ZNF813: variants seen among roughly 807,000 people sequenced by gnomAD.
ZNF813 encodes the protein zinc finger protein 813.
A neutral mutation model predicts 7.2 loss-of-function variants in ZNF813; 3 were observed. The ratio of observed to expected loss-of-function variants is 0.42; its 90% CI spans 0.19 to 1.08. The LOEUF (loss-of-function observed/expected upper bound fraction) is 1.08, where lower values mean the gene tolerates loss of function less well. Ranked by LOEUF, ZNF813 falls within the 50% of genes least tolerant of loss-of-function variation. The pLI, the probability that ZNF813 is intolerant of heterozygous loss-of-function variation, is 0.30. For missense variants in ZNF813, 714 were observed against 753.3 expected (o/e 0.95, Z 0.61); for synonymous variants, 227 against 256.3 (o/e 0.89, Z 1.09).
intron 1 of ZNF813, among the ~76,000 whole-genome samples, chr19:53,483,090 A>G (rs1236798068): frequency 2.0e-5 from 3 of 151,770 alleles, no homozygotes; most frequent in Admixed American, 6.6e-5. Context: ...TTATATTTTT[A>G]GTAGACATGG....
At position 53,492,449 on chromosome 19, in the gene ZNF813, A is replaced by G; in HGVS notation, c.*363A>G. 2.4e-6 allele frequency: 1 copy of G among 421,188 alleles called. No homozygotes were observed. The highest frequency in any genetic ancestry group is 2.1e-5 in the South Asian group (1 of 47,060). 26.1% of individuals were successfully genotyped at this position (421,188 alleles called of 1,614,324 possible). On this transcript the variant is annotated 3_prime_UTR_variant, in exon 4 of 4. Transcript: ENST00000396403. ...AGACATAAAATAAATCATACTGCAG[A>G]GAAACCATAAAATTGTAAGAGTTCG...
In ZNF813 at chr19:53,495,917, C is replaced by G. The variant is rs1457560132; in HGVS notation, c.*3831C>G. 1 of 310,340 alleles carries G rather than the reference C, an allele frequency of 3.2e-6. No individual in the cohort carries two copies. The highest frequency in any genetic ancestry group is 6.4e-6 in the Non-Finnish European group (1 of 155,952). 19.2% of individuals were successfully genotyped at this position (310,340 alleles called of 1,614,324 possible). ...CAGGACTTTCAGATTTAAGCAATACCTGGCCAAGAAACAAAAGCAAAATCA... is the reference window on the plus strand; with the variant it reads ...CAGGACTTTCAGATTTAAGCAATACGTGGCCAAGAAACAAAAGCAAAATCA... On this transcript the variant is annotated 3_prime_UTR_variant, in exon 4 of 4. Coordinates refer to ENST00000396403, the MANE Select transcript of ZNF813 (RefSeq NM_001004301.4).
At chr19:53,469,640 G>A (rs1021478149) in intron 1 of ZNF813, among the ~76,000 whole-genome samples, 1 of 151,946 alleles carries the variant, frequency 6.6e-6, no homozygotes, top group Non-Finnish European at 1.5e-5. Flanking sequence ...GGACAGCAAG[G>A]TAGGGAGAGG....
intron 1 of ZNF813, among the ~76,000 whole-genome samples, chr19:53,482,706 C>CTTTTTTTTTTTTTT (rs1568830690): frequency 3.3e-5 from 3 of 91,500 alleles, no homozygotes; most frequent in Admixed American, 1.4e-4. Flanking sequence ...ATCAGGAATG[C>CTTTTTTTTTTTTTT]TTTTTGTTTT....
intron 1 of ZNF813, among the ~76,000 whole-genome samples, chr19:53,473,845 G>T (rs538071954): frequency 6.6e-6 from 1 of 152,248 alleles, no homozygotes; most frequent in Non-Finnish European, 1.5e-5. Context: ...CTCATAAGGT[G>T]AATACCTAGT....
intron 3 of ZNF813, chr19:53,488,148 C>T: frequency 4.9e-6 from 2 of 409,174 alleles, no homozygotes; most frequent in Admixed American, 5.5e-5. Flanking sequence ...CCTCAATTTC[C>T]CGAGTAGCTG....
In ZNF813 at chr19:53,491,466, A is replaced by G. The variant is rs773516793; in HGVS notation, c.1234A>G (p.Lys412Glu). 2 of 1,614,050 alleles carry G rather than the reference A, an allele frequency of 1.2e-6. No homozygotes were observed. Among genetic ancestry groups the G allele is most frequent in the Non-Finnish European group, 1.7e-6 (2 of 1,180,014 alleles). The change falls in exon 4 of 4, where the codon AAG becomes GAG. Residue 412 changes from lysine to glutamate, a missense_variant. Physicochemically the swap from Lys to Glu is moderately conservative, Grantham distance 56. Around this residue, in one of 3 missense-constraint regions of ZNF813, gnomAD observed 563 missense variants for 554.2 expected, o/e 1.02. Coordinates refer to ENST00000396403, the MANE Select transcript of ZNF813 (RefSeq NM_001004301.4). ...RRLHTGEKPY[K>E]CNECGKVFNK... ...ACTTCATACCGGAGAGAAGCCTTAC[A>G]AGTGTAATGAATGTGGCAAGGTTTT...
At chr19:53,476,732 C>T (rs2086383663) in intron 1 of ZNF813, among the ~76,000 whole-genome samples, 1 of 152,020 alleles carries the variant, frequency 6.6e-6, no homozygotes, top group South Asian at 2.1e-4. Context: ...TGGCTCACTG[C>T]AAGCTCCGCC....
chr19:53,483,439 C>T (rs1054586345), intron 1 of ZNF813, among the ~76,000 whole-genome samples: 8 of 152,276 alleles, frequency 5.3e-5, no homozygotes, highest in South Asian at 4.1e-4. Context: ...CTACGCACCT[C>T]GGCCTCCCAG....
chr19:53,471,329 G>C (rs567193721), intron 1 of ZNF813, among the ~76,000 whole-genome samples: 2 of 152,100 alleles, frequency 1.3e-5, no homozygotes, highest in Admixed American at 1.3e-4. Context: ...GTGTGGTTTA[G>C]AGAAGAGAAA....
intron 1 of ZNF813, among the ~76,000 whole-genome samples, chr19:53,481,344 C>CTTTTTTTTTTT (rs66842546): frequency 0.052 from 5,505 of 105,740 alleles, 441 homozygotes; most frequent in African/African-American, 0.082. Context: ...CCCATGTATT[C>CTTTTTTTTTTT]TTTTTTTTTT....
intron 1 of ZNF813, among the ~76,000 whole-genome samples, chr19:53,476,801 C>A (rs2086384126): frequency 6.6e-6 from 1 of 152,098 alleles, no homozygotes; most frequent in Non-Finnish European, 1.5e-5. Context: ...GTAGCTGGGA[C>A]TACAGGGGCC....
chr19:53,485,052 A>G (rs1691443437), intron 2 of ZNF813, among the ~76,000 whole-genome samples: 1 of 152,162 alleles, frequency 6.6e-6, no homozygotes, highest in Non-Finnish European at 1.5e-5. Context: ...GTTCGGTGTC[A>G]GGTGTCAGAG....
chr19:53,492,626 CTAATG>C lies in ZNF813; in HGVS notation c.*546_*550del, dbSNP rs369872463. ...GCAATCCATGGTGAAGGAAACTTGACTAATGTAATGATTGTCACCAAGTCTTCAGT... is the reference window on the plus strand; with the variant it reads ...GCAATCCATGGTGAAGGAAACTTGACTAATGATTGTCACCAAGTCTTCAGT... On this transcript the variant is annotated 3_prime_UTR_variant, in exon 4 of 4. Transcript: ENST00000396403. The C allele has an allele frequency of 8.3e-3, 6,256 of 750,608 alleles. 90 individuals are homozygous for C. Among genetic ancestry groups the C allele is most frequent in the South Asian group, 0.033 (2,460 of 75,438 alleles). The allele number at this position is 750,608 out of a possible 1,614,324, so 46.5% of individuals were successfully genotyped here.
intron 3 of ZNF813, among the ~76,000 whole-genome samples, chr19:53,487,730 G>A (rs1396628552): frequency 1.3e-5 from 2 of 149,064 alleles, no homozygotes; most frequent in African/African-American, 4.9e-5. Flanking sequence ...CCTGGGAGGT[G>A]AAGGTTGCAG....
At chr19:53,481,188 G>T (rs923895924) in intron 1 of ZNF813, among the ~76,000 whole-genome samples, 2 of 152,040 alleles carry the variant, frequency 1.3e-5, no homozygotes, top group African/African-American at 4.8e-5. Flanking sequence ...TAGAAGCAAG[G>T]AAGCAGCAAG....
chr19:53,475,055 T>C (rs1317477093), intron 1 of ZNF813, among the ~76,000 whole-genome samples: 1 of 152,194 alleles, frequency 6.6e-6, no homozygotes, highest in African/African-American at 2.4e-5. Context: ...TTATAGCTAC[T>C]TTCTCTGGAG....
At chr19:53,470,544 A>G (rs766032377) in intron 1 of ZNF813, among the ~76,000 whole-genome samples, 1 of 128,982 alleles carries the variant, frequency 7.8e-6, no homozygotes, top group Non-Finnish European at 1.7e-5. Flanking sequence ...AATTGCTTCT[A>G]TAGTTGATTG....
Position 53,492,015 on chromosome 19 carries a change from G to T in ZNF813, c.1783G>T (p.Ala595Ser), listed in dbSNP as rs1348817454. The change falls in exon 4 of 4, where the codon GCA (alanine) becomes TCA (serine). Residue 595 changes from alanine to serine, a missense_variant. By Grantham distance (99) the Ala-to-Ser change is moderately conservative (BLOSUM62 1). Around this residue, in one of 3 missense-constraint regions of ZNF813, gnomAD observed 122 missense variants for 146.8 expected, o/e 0.83. Transcript: ENST00000396403. ...GGTTTTTAATCAAAAAGCAAACCTT[G>T]CACGTCATCATAGACTTCATACTGG... ...GKVFNQKANLARHHRLHTGEK... is the reference protein window; with the variant it reads ...GKVFNQKANLSRHHRLHTGEK... The T allele has an allele frequency of 1.2e-6, 2 of 1,613,844 alleles. No homozygotes were observed. Among genetic ancestry groups the T allele is most frequent in the Admixed American group, 1.7e-5 (1 of 59,972 alleles).
Sources: allele counts gnomAD v4.1 joint callset (sites outside exome capture counted in the v4.1 genomes callset), GRCh38; gene constraint gnomAD v4.1.1; regional missense constraint gnomAD v4.1.1; transcripts MANE v1.5; gene names NCBI Gene and HGNC (gene_info 2026-07-23, HGNC 2026-07-21).